NOP58: variants seen among roughly 807,000 people sequenced by gnomAD.
The protein encoded by NOP58 is nucleolar protein 58.
Under a neutral mutation model 71.2 loss-of-function variants are expected in NOP58, and 44 were observed. The ratio of observed to expected loss-of-function variants is 0.62; its 90% CI spans 0.49 to 0.79. The LOEUF (loss-of-function observed/expected upper bound fraction) is 0.79, where lower values mean the gene tolerates loss of function less well. NOP58 is among the 30% of genes least tolerant of loss of function. The pLI is 0.00. For missense variants in NOP58, 538 were observed against 620.2 expected (o/e 0.87, Z 1.41); for synonymous variants, 228 against 200.3 (o/e 1.14, Z -1.17).
Position 202,286,536 on chromosome 2 carries a change from A to T in NOP58, c.435-1124A>T, listed in dbSNP as rs533835717. Among the ~76,000 whole-genome samples, 7 of 152,300 alleles carry T rather than the reference A, an allele frequency of 4.6e-5. No homozygotes were observed. The South Asian group carries it at 1.5e-3, about 32-fold the overall frequency. The stretch of plus-strand genomic sequence containing the variant: ...AAACAAAAAAGAAACACTACAATTT[A>T]AAAAGGTCTATTTTAAAATTAAAAG... On this transcript the variant is annotated intron_variant, in intron 5 of 14. Transcript: ENST00000264279.
At chr2:202,300,422 G>A (rs990008223) in intron 13 of NOP58, 55 bp downstream of exon 13, 2 of 1,422,110 alleles carry the variant, frequency 1.4e-6, no homozygotes, top group African/African-American at 1.5e-5. Flanking sequence ...TAGAACTGTG[G>A]ATTTTGTGAG....
At chr2:202,280,348 G>C (rs1688679949) in intron 3 of NOP58, among the ~76,000 whole-genome samples, 1 of 151,852 alleles carries the variant, frequency 6.6e-6, no homozygotes, top group African/African-American at 2.4e-5. Context: ...TTTGGAGATG[G>C]AGTTTCATTT....
chr2:202,301,124 C>T (rs1689083931), intron 13 of NOP58, among the ~76,000 whole-genome samples: 1 of 152,182 alleles, frequency 6.6e-6, no homozygotes, highest in Non-Finnish European at 1.5e-5. Flanking sequence ...TTTGTATCCT[C>T]AATTGTGTAT....
At chr2:202,271,618 T>C (rs1688512965) in intron 1 of NOP58, among the ~76,000 whole-genome samples, 2 of 151,868 alleles carry the variant, frequency 1.3e-5, no homozygotes, top group Admixed American at 1.3e-4. Flanking sequence ...AAATAGAGTA[T>C]GCACAGATAT....
In NOP58 at chr2:202,271,364, T is replaced by C. The variant is rs1688508426; in HGVS notation, c.46-3749T>C. ...AGACCTCAGGAGTTCGAGACCAGCC[T>C]GGGCAACAGGGTGCAACCCCGACTT... On this transcript the variant is annotated intron_variant, in intron 1 of 14. Transcript: ENST00000264279. Among the ~76,000 whole-genome samples, 3 of 147,514 alleles carry C rather than the reference T, an allele frequency of 2.0e-5. No homozygotes were observed. The Admixed American group carries it at 2.1e-4, about 10-fold the overall frequency.
intron 12 of NOP58, among the ~76,000 whole-genome samples, chr2:202,298,375 G>A (rs1016071916): frequency 3.3e-5 from 5 of 152,146 alleles, no homozygotes; most frequent in African/African-American, 4.8e-5. Context: ...ACTCAGCCGG[G>A]CACAGTGGCT....
chr2:202,301,497 A>G (rs550277482), intron 13 of NOP58, among the ~76,000 whole-genome samples: 6 of 152,088 alleles, frequency 3.9e-5, no homozygotes, highest in South Asian at 2.1e-4. Flanking sequence ...CCCATTTTCT[A>G]TATGTGACAA....
Position 202,291,127 on chromosome 2 carries a change from G to C in NOP58, c.637G>C (p.Asp213His), listed in dbSNP as rs575291968. The C allele has an allele frequency of 1.2e-6, 2 of 1,601,082 alleles. No homozygotes were observed. Among genetic ancestry groups the C allele is most frequent in the Non-Finnish European group, 1.7e-6 (2 of 1,176,302 alleles). The change falls in exon 8 of 15, where the codon GAT becomes CAT. Residue 213 changes from aspartate (D) to histidine (H), a missense_variant and splice_region_variant. Coordinates refer to ENST00000264279, the MANE Select transcript of NOP58 (RefSeq NM_015934.5). ...TYCKCLQKVG[D>H]RKNYASAKLS... ...CATCCTCTGCAAACATTCCATAGGCGATAGGAAGAACTATGCCTCTGCCAA... is the reference window on the plus strand; with the variant it reads ...CATCCTCTGCAAACATTCCATAGGCCATAGGAAGAACTATGCCTCTGCCAA...
At chr2:202,270,377 C>T (rs78033139) in intron 1 of NOP58, among the ~76,000 whole-genome samples, 83 of 152,328 alleles carry the variant, frequency 5.4e-4, no homozygotes, top group African/African-American at 1.8e-3. Flanking sequence ...GAGCAGTGCA[C>T]ATTTTAAACT....
chr2:202,285,336 C>G (rs111945577), intron 5 of NOP58, among the ~76,000 whole-genome samples: 39 of 150,288 alleles, frequency 2.6e-4, no homozygotes, highest in African/African-American at 9.1e-4. Flanking sequence ...GCCACCACAC[C>G]CGGCATTTTT....
Position 202,297,813 on chromosome 2 carries a change from A to G in NOP58, c.1207-32A>G, listed in dbSNP as rs201751297. ...TATTATAAAGAGATTATGACTTAGA[A>G]GTGTATTTGTAATTTTTCGTTTTCT... On this transcript the variant is annotated intron_variant, in intron 11 of 14. Coordinates refer to ENST00000264279, the MANE Select transcript of NOP58 (RefSeq NM_015934.5). 1,047 of 1,238,522 alleles carry G rather than the reference A, an allele frequency of 8.5e-4. 7 individuals are homozygous for G. Among genetic ancestry groups the G allele is most frequent in the Admixed American group, 1.2e-3 (57 of 47,156 alleles). 76.7% of individuals were successfully genotyped at this position (1,238,522 alleles called of 1,614,324 possible). A position where few individuals can be genotyped will look rare whatever the true frequency, so the allele number is the denominator to read the frequency against.
chr2:202,270,961 G>A (rs1688503203), intron 1 of NOP58, among the ~76,000 whole-genome samples: 1 of 151,804 alleles, frequency 6.6e-6, no homozygotes, highest in South Asian at 2.1e-4. Flanking sequence ...GGTGGTGTGT[G>A]TCGCCAAATC....
In NOP58 at chr2:202,295,705, T is replaced by C. The variant is rs1267189379; in HGVS notation, c.939T>C (p.Ala313=). The C allele has an allele frequency of 1.9e-6, 3 of 1,604,006 alleles. No individual in the cohort carries two copies. Among genetic ancestry groups the C allele is most frequent in the Non-Finnish European group, 2.5e-6 (3 of 1,176,624 alleles). ...TTTTAAATTTGGCCAAGCATGCAGC[T>C]TCTACCGTTCAGATTCTTGGAGCTG... The part of the protein sequence containing the change: ...GSLLNLAKHA[A]STVQILGAEK... The change falls in exon 10 of 15, where the codon GCT becomes GCC. Residue 313 remains alanine (A), a synonymous_variant. Transcript: ENST00000264279.
intron 12 of NOP58, among the ~76,000 whole-genome samples, chr2:202,299,205 G>A (rs1228660236): frequency 5.3e-5 from 8 of 152,008 alleles, no homozygotes; most frequent in South Asian, 2.1e-4. Context: ...TGATCCGCCC[G>A]CCTTGGCCTC....
At chr2:202,275,226 A>AT (rs745358793) in intron 2 of NOP58, 37 bp downstream of exon 2, 3 of 1,015,364 alleles carry the variant, frequency 3.0e-6, no homozygotes. Flanking sequence ...AGCAGTTAAC[A>AT]TTTAGGGCTT....
chr2:202,279,664 A>C (rs928443814), intron 3 of NOP58, among the ~76,000 whole-genome samples: 15 of 152,140 alleles, frequency 9.9e-5, no homozygotes, highest in Non-Finnish European at 1.9e-4. Flanking sequence ...GTGTGGTGGC[A>C]CACACCTTAG....
At chr2:202,297,977 T>C in intron 12 of NOP58, 71 bp downstream of exon 12, 1 of 950,564 alleles carries the variant, frequency 1.1e-6, no homozygotes, top group Non-Finnish European at 1.5e-6. Context: ...AATTTTTTAT[T>C]GTAAACTTCA....
chr2:202,282,833 T>C (rs1688727640), intron 4 of NOP58, among the ~76,000 whole-genome samples: 1 of 152,152 alleles, frequency 6.6e-6, no homozygotes, highest in Non-Finnish European at 1.5e-5. Context: ...TAGAAAACTT[T>C]TAGTAGGGGT....
At chr2:202,294,541 CAG>C (rs1491109251) in intron 9 of NOP58, among the ~76,000 whole-genome samples, 1 of 152,136 alleles carries the variant, frequency 6.6e-6, no homozygotes, top group East Asian at 1.9e-4. Flanking sequence ...ATGTTTGAAA[CAG>C]AGGATAGTAC....
Sources: allele counts gnomAD v4.1 joint callset (sites outside exome capture counted in the v4.1 genomes callset), GRCh38; gene constraint gnomAD v4.1.1; transcripts MANE v1.5; gene names NCBI Gene and HGNC (gene_info 2026-07-23, HGNC 2026-07-21).